ATP9B: variants seen among roughly 807,000 people sequenced by gnomAD.
The protein encoded by ATP9B is probable phospholipid-transporting ATPase IIB.
In ATP9B, 110 loss-of-function variants were observed where a neutral mutation model predicts 146.1. That is an observed-to-expected ratio of 0.75 (90% CI 0.65 to 0.88). The LOEUF is 0.88. Ranked by LOEUF, ATP9B falls within the 40% of genes least tolerant of loss-of-function variation. The pLI, the probability that ATP9B is intolerant of heterozygous loss-of-function variation, is 0.00. For synonymous variants in ATP9B, 604 were observed against 569.7 expected (o/e 1.06, Z -0.86); for missense variants, 1,499 against 1,496.4 (o/e 1.00, Z -0.03).
chr18:79,307,209 C>T lies in ATP9B; in HGVS notation c.1748C>T (p.Thr583Ile). 1.2e-6 allele frequency: 2 copies of T among 1,614,240 alleles called. No individual in the cohort carries two copies. Among genetic ancestry groups the T allele is most frequent in the East Asian group, 2.2e-5 (1 of 44,886 alleles). ...ADQDFSDENR[T>I]YQASSPDEVA... The stretch of plus-strand genomic sequence containing the variant: ...CAAGACTTCAGTGATGAGAATCGCA[C>T]CTACCAGGCTTCCAGCCCGGATGAG... The change falls in exon 15 of 30, where the codon ACC (threonine) becomes ATC (isoleucine). Residue 583 changes from threonine to isoleucine, a missense_variant. Transcript: ENST00000426216.
intron 1 of ATP9B, among the ~76,000 whole-genome samples, chr18:79,077,246 CT>C (rs1483163258): frequency 6.6e-6 from 1 of 152,098 alleles, no homozygotes; most frequent in Non-Finnish European, 1.5e-5. Flanking sequence ...TTTAAATCTT[CT>C]GCTTATCGGG....
chr18:79,301,361 G>A (rs1047880060), intron 13 of ATP9B, among the ~76,000 whole-genome samples: 1 of 152,108 alleles, frequency 6.6e-6, no homozygotes, highest in African/African-American at 2.4e-5. Flanking sequence ...GTGTGGTGGC[G>A]CACATCTGTA....
intron 5 of ATP9B, among the ~76,000 whole-genome samples, chr18:79,143,507 A>G (rs932559851): frequency 2.0e-5 from 3 of 152,120 alleles, no homozygotes; most frequent in African/African-American, 4.8e-5. Flanking sequence ...ATCATTGTTG[A>G]CTTGGAACTG....
intron 19 of ATP9B, among the ~76,000 whole-genome samples, chr18:79,341,808 A>G (rs921011203): frequency 6.6e-6 from 1 of 151,736 alleles, no homozygotes; most frequent in African/African-American, 2.4e-5. Context: ...GGATGTGTGT[A>G]GCGTGACCTT....
chr18:79,129,469 G>C (rs2094341726), intron 5 of ATP9B, among the ~76,000 whole-genome samples: 1 of 152,134 alleles, frequency 6.6e-6, no homozygotes, highest in African/African-American at 2.4e-5. Context: ...CAAAGCCCAG[G>C]ACAGGTTTTG....
At chr18:79,096,408 C>A in intron 1 of ATP9B, 68 bp from the exon 2 acceptor site, 1 of 1,401,862 alleles carries the variant, frequency 7.1e-7, no homozygotes, top group Non-Finnish European at 9.9e-7. Context: ...AAATATTGTC[C>A]CTAAATGAAA....
At chr18:79,118,126 C>T (rs1053438090) in intron 4 of ATP9B, among the ~76,000 whole-genome samples, 1 of 152,042 alleles carries the variant, frequency 6.6e-6, no homozygotes, top group Non-Finnish European at 1.5e-5. Flanking sequence ...ACTTTGGGGT[C>T]GTTTCTCATT....
intron 1 of ATP9B, among the ~76,000 whole-genome samples, chr18:79,082,952 T>C (rs1001302781): frequency 2.0e-5 from 3 of 152,166 alleles, no homozygotes; most frequent in Non-Finnish European, 4.4e-5. Flanking sequence ...GATACACAGC[T>C]CTCTTCAGAG....
chr18:79,175,341 A>G (rs1333509912), intron 7 of ATP9B, among the ~76,000 whole-genome samples: 2 of 152,120 alleles, frequency 1.3e-5, no homozygotes, highest in African/African-American at 4.8e-5. Flanking sequence ...AGTTTGGTGT[A>G]ATTTGGCTTT....
intron 15 of ATP9B, among the ~76,000 whole-genome samples, chr18:79,313,595 A>C (rs1483185442): frequency 6.6e-6 from 1 of 152,214 alleles, no homozygotes; most frequent in African/African-American, 2.4e-5. Flanking sequence ...ATATTACCTT[A>C]TTCCACATTT....
intron 14 of ATP9B, among the ~76,000 whole-genome samples, chr18:79,305,479 C>T (rs1261008445): frequency 6.6e-6 from 1 of 151,812 alleles, no homozygotes; most frequent in Non-Finnish European, 1.5e-5. Flanking sequence ...CATTTAGATA[C>T]GGAATATTTG....
At position 79,176,699 on chromosome 18, in the gene ATP9B, T is replaced by G. The variant is rs558212502; in HGVS notation, c.779-114T>G. 1.3e-3 allele frequency: 1,004 copies of G among 775,156 alleles called. 2 individuals are homozygous for G. The highest frequency in any genetic ancestry group is 1.8e-3 in the Non-Finnish European group (873 of 473,438). 48.0% of individuals were successfully genotyped at this position (775,156 alleles called of 1,614,324 possible). ...GTTTTGTTCCTGGGAATATCTAGAT[T>G]GTTATTTCTTTGTCCTACTGTGCCC... On this transcript the variant is annotated intron_variant, in intron 7 of 29. Coordinates refer to ENST00000426216, the MANE Select transcript of ATP9B (RefSeq NM_198531.5).
At chr18:79,355,195 A>G (rs2096944181) in intron 25 of ATP9B, among the ~76,000 whole-genome samples, 1 of 152,232 alleles carries the variant, frequency 6.6e-6, no homozygotes, top group Admixed American at 6.5e-5. Flanking sequence ...CCCTTCAGAA[A>G]ATTCAGTCTT....
At chr18:79,208,255 A>G (rs181422476) in intron 10 of ATP9B, among the ~76,000 whole-genome samples, 135 of 152,338 alleles carry the variant, frequency 8.9e-4, no homozygotes, top group African/African-American at 2.9e-3. Context: ...AAAAAAAGAA[A>G]AATGAAGTTT....
intron 11 of ATP9B, among the ~76,000 whole-genome samples, chr18:79,242,395 G>A (rs1034456847): frequency 2.0e-5 from 3 of 152,190 alleles, no homozygotes; most frequent in Admixed American, 6.5e-5. Flanking sequence ...GCTGATAACC[G>A]CAAACGAGAA....
chr18:79,141,545 G>A (rs1568262767), intron 5 of ATP9B, among the ~76,000 whole-genome samples: 2 of 152,264 alleles, frequency 1.3e-5, no homozygotes, highest in East Asian at 3.9e-4. Flanking sequence ...CATTTACATT[G>A]AAATGTCTTT....
chr18:79,259,375 T>C lies in ATP9B; in HGVS notation c.1268+5834T>C, dbSNP rs73973058. On this transcript the variant is annotated intron_variant, in intron 12 of 29. Transcript: ENST00000426216. ...TGCTTTGAAATGCTATATACCATTG[T>C]AGTTGATAATGCAAAAACTGTCTTA... Among the ~76,000 whole-genome samples the C allele has an allele frequency of 5.0e-3, 757 of 152,282 alleles. 11 individuals carry two copies. Among genetic ancestry groups the C allele is most frequent in the African/African-American group, 0.017 (688 of 41,556 alleles).
chr18:79,159,667 A>G (rs1393669647), intron 7 of ATP9B, among the ~76,000 whole-genome samples: 1 of 152,130 alleles, frequency 6.6e-6, no homozygotes, highest in Admixed American at 6.6e-5. Flanking sequence ...GTCTCTACCC[A>G]GTCACCAAAG....
chr18:79,070,087 G>C (rs1472043417), intron 1 of ATP9B, among the ~76,000 whole-genome samples: 1 of 152,132 alleles, frequency 6.6e-6, no homozygotes, highest in Non-Finnish European at 1.5e-5. Context: ...TATTGAGAAC[G>C]GTTAACTTGT....
Sources: allele counts gnomAD v4.1 joint callset (sites outside exome capture counted in the v4.1 genomes callset), GRCh38; gene constraint gnomAD v4.1.1; transcripts MANE v1.5; gene names NCBI Gene and HGNC (gene_info 2026-07-23, HGNC 2026-07-21).